The following RGSL1 variants were observed in gnomAD, a reference collection of about 807,000 sequenced individuals.
RGSL1 encodes regulator of G protein signaling protein-like.
A neutral mutation model predicts 124.7 loss-of-function variants in RGSL1; 97 were observed. The ratio of observed to expected loss-of-function variants is 0.78; its 90% CI spans 0.66 to 0.92. The LOEUF is 0.92. Ranked by LOEUF, RGSL1 falls within the 40% of genes least tolerant of loss-of-function variation. RGSL1 has a pLI of 0.00. For missense variants in RGSL1, 1,233 were observed against 1,288.4 expected, an observed-to-expected ratio of 0.96 and a Z score of 0.66; for synonymous variants, 424 against 438.1, an observed-to-expected ratio of 0.97 and a Z score of 0.40.
intron 9 of RGSL1, among the ~76,000 whole-genome samples, chr1:182,500,631 C>T (rs1656277907): frequency 6.6e-6 from 1 of 152,080 alleles, no homozygotes; most frequent in South Asian, 2.1e-4. Context: ...AATTTATGAA[C>T]ACAGGATATA....
At chr1:182,477,178 G>T (rs191947071) in intron 6 of RGSL1, among the ~76,000 whole-genome samples, 199 of 152,268 alleles carry the variant, frequency 1.3e-3, no homozygotes, top group African/African-American at 3.8e-3. Flanking sequence ...AAGGAAAGCT[G>T]CTTTGAAAAA....
At chr1:182,530,718 G>A in intron 12 of RGSL1, 72 bp from the exon 13 acceptor site, 1 of 1,437,792 alleles carries the variant, frequency 7.0e-7, no homozygotes, top group Non-Finnish European at 9.2e-7. Context: ...GCTGAGGTAG[G>A]TTTGCCTGGA....
intron 21 of RGSL1, among the ~76,000 whole-genome samples, chr1:182,557,084 G>A (rs905943873): frequency 2.0e-5 from 3 of 152,314 alleles, no homozygotes; most frequent in South Asian, 2.1e-4. Context: ...AGGTCACCTG[G>A]TGGGGCTGTG....
At chr1:182,514,084 G>C (rs1042111089) in intron 9 of RGSL1, among the ~76,000 whole-genome samples, 2 of 25,632 alleles carry the variant, frequency 7.8e-5, no homozygotes, top group African/African-American at 1.7e-4. Flanking sequence ...GGAGAGATAG[G>C]GTTTCACCAC....
In RGSL1 at chr1:182,460,136, A is replaced by G; in HGVS notation, c.301+3A>G. 1 of 1,548,100 alleles carries G rather than the reference A, an allele frequency of 6.5e-7. No homozygotes were observed. The highest frequency in any genetic ancestry group is 8.7e-7 in the Non-Finnish European group (1 of 1,146,220). ...TTTCATTAAGTCCCCAGAAGGAGGT[A>G]AGCATTGGTGTGCATGCGTGTGTCT... On this transcript the variant is annotated splice_donor_region_variant and intron_variant, in intron 4 of 21. Coordinates refer to ENST00000294854, the MANE Select transcript of RGSL1 (RefSeq NM_001137669.2).
chr1:182,554,550 C>T (rs562751859), intron 19 of RGSL1, 77 bp from the exon 20 acceptor site: 1 of 1,299,900 alleles, frequency 7.7e-7, no homozygotes, highest in South Asian at 1.3e-5. Flanking sequence ...CAGCATGGTC[C>T]TCCAGGGTGG....
At chr1:182,518,455 A>G (rs575008350) in intron 9 of RGSL1, among the ~76,000 whole-genome samples, 1 of 152,252 alleles carries the variant, frequency 6.6e-6, no homozygotes, top group South Asian at 2.1e-4. Flanking sequence ...TTGCTGAACA[A>G]TCACTCTGAT....
chr1:182,461,944 A>G (rs192901972), intron 4 of RGSL1, among the ~76,000 whole-genome samples: 1 of 152,298 alleles, frequency 6.6e-6, no homozygotes, highest in East Asian at 1.9e-4. Context: ...GTGCAAAGAG[A>G]ATATTTGAAT....
chr1:182,486,310 ATTT>A (rs544790840), intron 6 of RGSL1, among the ~76,000 whole-genome samples: 3 of 137,782 alleles, frequency 2.2e-5, no homozygotes, highest in Admixed American at 7.3e-5. Context: ...TAGAGTCATA[ATTT>A]TTTTTTTTTT....
rs1395327558 is a variant in RGSL1 at position 182,527,630 on chromosome 1, G to T, written c.1983G>T (p.Glu661Asp). Residue 661 changes from glutamate to aspartate, a missense_variant, in exon 11 of 22, where the codon GAG becomes GAT. Glu to Asp is a conservative substitution (Grantham distance 45). Transcript: ENST00000294854. ...LNTQHLEFFR[E>D]FLKERKAKIP... ...CACAGCACTTGGAGTTCTTCAGGGA[G>T]TTCCTCAAGGAACGGAAGGCTAAAA... The T allele has an allele frequency of 7.7e-6, 12 of 1,551,596 alleles. No homozygotes were observed. The highest frequency in any genetic ancestry group is 1.0e-5 in the Non-Finnish European group (12 of 1,146,880).
At position 182,474,215 on chromosome 1, in the gene RGSL1, A is replaced by T. The variant is rs1245577858; in HGVS notation, c.1104A>T (p.Gly368=). ...QKAIKQSFSL[G]YIHLALCADA... ...CCATCAAGCAAAGCTTCTCCTTAGG[A>T]TACATCCACTTGGCCTTGTGTGCTG... Residue 368 remains glycine, a synonymous_variant, in exon 6 of 22, where the codon GGA becomes GGT. Transcript: ENST00000294854. 6.4e-7 allele frequency: 1 copy of T among 1,551,956 alleles called. No homozygotes were observed. Among genetic ancestry groups the T allele is most frequent in the Non-Finnish European group, 8.7e-7 (1 of 1,147,034 alleles).
intron 1 of RGSL1, among the ~76,000 whole-genome samples, chr1:182,453,069 T>C (rs763450987): frequency 1.6e-4 from 24 of 152,234 alleles, no homozygotes; most frequent in Non-Finnish European, 3.1e-4. Flanking sequence ...TCTTATTTAC[T>C]AGAGGAGTTA....
At chr1:182,559,484 C>T (rs574459773) in intron 21 of RGSL1, among the ~76,000 whole-genome samples, 47 of 152,180 alleles carry the variant, frequency 3.1e-4, no homozygotes, top group Non-Finnish European at 4.7e-4. Context: ...TTTTGTCGGG[C>T]CCTTGTCCCC....
intron 6 of RGSL1, among the ~76,000 whole-genome samples, chr1:182,483,805 A>T (rs534307039): frequency 6.6e-6 from 1 of 152,188 alleles, no homozygotes; most frequent in East Asian, 1.9e-4. Context: ...CAGAGCCAGG[A>T]TATGTGACTC....
intron 6 of RGSL1, among the ~76,000 whole-genome samples, chr1:182,487,681 A>G (rs980825780): frequency 6.6e-6 from 1 of 152,216 alleles, no homozygotes; most frequent in Non-Finnish European, 1.5e-5. Context: ...TGAGCTCCTT[A>G]TAGCGACACT....
At chr1:182,502,386 G>A (rs560839417) in intron 9 of RGSL1, among the ~76,000 whole-genome samples, 2 of 152,238 alleles carry the variant, frequency 1.3e-5, no homozygotes, top group African/African-American at 4.8e-5. Flanking sequence ...AGAGCAGTCT[G>A]AGCACATAAT....
intron 6 of RGSL1, among the ~76,000 whole-genome samples, chr1:182,484,006 C>A (rs879352437): frequency 6.6e-6 from 1 of 151,924 alleles, no homozygotes; most frequent in Admixed American, 6.6e-5. Flanking sequence ...GATGAGGCAC[C>A]GTGTAGTGGT....
intron 5 of RGSL1, among the ~76,000 whole-genome samples, chr1:182,473,177 G>T (rs977212872): frequency 1.3e-5 from 2 of 152,196 alleles, no homozygotes; most frequent in African/African-American, 4.8e-5. Flanking sequence ...AGGTAATTGA[G>T]AATTGATGAC....
In RGSL1 at chr1:182,553,446, C is replaced by G; in HGVS notation, c.3044-9C>G. On this transcript the variant is annotated splice_polypyrimidine_tract_variant and intron_variant, in intron 18 of 21. Coordinates refer to ENST00000294854, the MANE Select transcript of RGSL1 (RefSeq NM_001137669.2). Reference sequence around the variant, plus strand: ...GGTGTTTTTAATGCTTGTTTTTGTCCTTCCCCAGGAGACAATGCCATCTTA... The same window carrying G: ...GGTGTTTTTAATGCTTGTTTTTGTCGTTCCCCAGGAGACAATGCCATCTTA... 1 of 1,550,180 alleles carries G rather than the reference C, an allele frequency of 6.5e-7. No homozygotes were observed. The highest frequency in any genetic ancestry group is 8.7e-7 in the Non-Finnish European group (1 of 1,146,126).
Sources: allele counts gnomAD v4.1 joint callset (sites outside exome capture counted in the v4.1 genomes callset), GRCh38; gene constraint gnomAD v4.1.1; transcripts MANE v1.5; gene names NCBI Gene and HGNC (gene_info 2026-07-23, HGNC 2026-07-21).